CWC27: variants seen among roughly 807,000 people sequenced by gnomAD.
The protein encoded by CWC27 is CWC27 spliceosome associated cyclophilin.
In CWC27, 47 loss-of-function variants were observed where a neutral mutation model predicts 63.6. That is an observed-to-expected ratio of 0.74 (90% confidence interval 0.58 to 0.94). The LOEUF (loss-of-function observed/expected upper bound fraction) is 0.94. CWC27 is among the 40% of genes least tolerant of loss of function. The probability of loss-of-function intolerance (pLI) is 0.00; values close to 1 mark genes in which losing one functional copy is unlikely to be tolerated. For missense variants in CWC27, 495 were observed against 554.3 expected (o/e 0.89, Z 1.07); for synonymous variants, 175 against 179.8 (o/e 0.97, Z 0.22).
At chr5:64,866,894 A>G (rs946656695) in intron 10 of CWC27, among the ~76,000 whole-genome samples, 5 of 152,086 alleles carry the variant, frequency 3.3e-5, no homozygotes, top group Admixed American at 3.3e-4. Context: ...TGTTCTATAG[A>G]TTAGAGCCCA....
At chr5:64,942,435 CT>C (rs1748500791) in intron 11 of CWC27, among the ~76,000 whole-genome samples, 1 of 95,428 alleles carries the variant, frequency 1.0e-5, no homozygotes, top group African/African-American at 5.6e-5. Flanking sequence ...GACCCTATCT[CT>C]TTAAAAAAAA....
At chr5:64,990,601 A>G in intron 13 of CWC27, among the ~76,000 whole-genome samples, 1 of 152,140 alleles carries the variant, frequency 6.6e-6, no homozygotes. Context: ...CTTAATTCAG[A>G]AACTTTTCTC....
At chr5:64,976,056 A>G (rs1356810453) in intron 12 of CWC27, among the ~76,000 whole-genome samples, 3 of 152,192 alleles carry the variant, frequency 2.0e-5, no homozygotes, top group African/African-American at 4.8e-5. Context: ...CCTCACAGCG[A>G]GACTCTGTCT....
chr5:64,831,475 G>GAGATAGATAGAT (rs3075244), intron 10 of CWC27, among the ~76,000 whole-genome samples: 1,675 of 148,306 alleles, frequency 0.011, 14 homozygotes, highest in Middle Eastern at 0.021. Context: ...TTATTTATTT[G>GAGATAGATAGAT]AGATAGATAG....
At chr5:64,792,938 A>G (rs1308587031) in intron 7 of CWC27, among the ~76,000 whole-genome samples, 4 of 152,170 alleles carry the variant, frequency 2.6e-5, no homozygotes, top group African/African-American at 9.7e-5. Flanking sequence ...TTTAATTTTG[A>G]TTTATTATAC....
chr5:64,811,157 G>C (rs1216130359), intron 10 of CWC27, among the ~76,000 whole-genome samples: 1 of 151,978 alleles, frequency 6.6e-6, no homozygotes, highest in Non-Finnish European at 1.5e-5. Flanking sequence ...TGAAAACTGG[G>C]GTAGTTTGCA....
intron 11 of CWC27, among the ~76,000 whole-genome samples, chr5:64,934,334 T>C (rs1262224628): frequency 6.6e-6 from 1 of 152,200 alleles, no homozygotes; most frequent in Non-Finnish European, 1.5e-5. Flanking sequence ...CTCCCACTTA[T>C]GAGTGAGAAC....
At chr5:64,870,394 G>A (rs572721461) in intron 10 of CWC27, among the ~76,000 whole-genome samples, 97 of 151,306 alleles carry the variant, frequency 6.4e-4, no homozygotes, top group African/African-American at 2.3e-3. Flanking sequence ...TGTTCTTAAC[G>A]TAATATAGTC....
At chr5:64,775,279 T>C (rs12109485) in intron 2 of CWC27, among the ~76,000 whole-genome samples, 82,055 of 151,948 alleles carry the variant, frequency 0.54, 22,704 homozygotes, top group East Asian at 0.85. Flanking sequence ...AATTTACCAA[T>C]TTCTTCCCCA....
At chr5:65,003,411 ATT>A (rs1317972911) in intron 13 of CWC27, among the ~76,000 whole-genome samples, 1 of 150,370 alleles carries the variant, frequency 6.7e-6, no homozygotes, top group Non-Finnish European at 1.5e-5. Context: ...TTCTTCTCCT[ATT>A]TTTTGTTGCA....
rs200974257 is a variant in CWC27 at position 64,832,423 on chromosome 5, TA to T, written c.938+28040del. 3.8e-4 allele frequency among the ~76,000 whole-genome samples: 57 copies of T among 151,556 alleles called. No individual in the cohort carries two copies. In the South Asian group the frequency reaches 8.5e-3, roughly 23 times the overall value. On this transcript the variant is annotated intron_variant, in intron 10 of 13. Coordinates refer to ENST00000381070, the MANE Select transcript of CWC27 (RefSeq NM_005869.4). Reference sequence around the variant, plus strand: ...CTACTAATAGTTTGTCTTTTTTTTTTAAATGAGAAGTTCACTTTGTTTCCAG... The same window carrying T: ...CTACTAATAGTTTGTCTTTTTTTTTTAATGAGAAGTTCACTTTGTTTCCAG...
Position 64,800,289 on chromosome 5 carries a change from G to A in CWC27, c.711G>A (p.Lys237=). 6.2e-7 allele frequency: 1 copy of A among 1,612,708 alleles called. No individual in the cohort carries two copies. Among genetic ancestry groups the A allele is most frequent in the South Asian group, 1.1e-5 (1 of 90,966 alleles). ...GCAAAAGTAGTCATGACTTGCTTAA[G>A]GATGATCCACATCTCAGTTCTGTTC... ...GKSKSSHDLL[K]DDPHLSSVPV... is the part of the protein sequence containing the mutation. Residue 237 remains lysine (K), a synonymous_variant, in exon 8 of 14, where the codon AAG becomes AAA. Transcript: ENST00000381070.
rs1321805544 is a variant in CWC27 at position 64,804,338 on chromosome 5, T to C, written c.890T>C (p.Val297Ala). Residue 297 changes from valine to alanine, a missense_variant, in exon 10 of 14, where the codon GTT (valine) becomes GCT (alanine). Around this residue, in one of 3 missense-constraint regions of CWC27, gnomAD observed 463 missense variants for 498.1 expected, o/e 0.93. Coordinates refer to ENST00000381070, the MANE Select transcript of CWC27 (RefSeq NM_005869.4). ...TTAAAAAAGGACACAAGTGCGAATGTTAAATCAGCTGGAGAAGGAGAAGTG... is the reference window on the plus strand; with the variant it reads ...TTAAAAAAGGACACAAGTGCGAATGCTAAATCAGCTGGAGAAGGAGAAGTG... Reference protein sequence around the residue: ...KKLKKDTSANVKSAGEGEVEK... With the variant: ...KKLKKDTSANAKSAGEGEVEK... 2 of 1,613,044 alleles carry C rather than the reference T, an allele frequency of 1.2e-6. No individual in the cohort carries two copies. Among genetic ancestry groups the C allele is most frequent in the Non-Finnish European group, 8.5e-7 (1 of 1,179,558 alleles).
chr5:64,846,739 A>G (rs540302414), intron 10 of CWC27, among the ~76,000 whole-genome samples: 1 of 152,354 alleles, frequency 6.6e-6, no homozygotes, highest in African/African-American at 2.4e-5. Context: ...CATGCTTGTA[A>G]TCCCAGCACT....
chr5:64,990,487 G>A (rs567887550), intron 13 of CWC27, among the ~76,000 whole-genome samples: 1 of 49,628 alleles, frequency 2.0e-5, no homozygotes. Flanking sequence ...GGATGGTCTC[G>A]ATCTCCTGAC....
At chr5:64,917,653 G>A (rs189443248) in intron 11 of CWC27, among the ~76,000 whole-genome samples, 2 of 152,222 alleles carry the variant, frequency 1.3e-5, no homozygotes, top group East Asian at 3.9e-4. Context: ...GAACAAAAAG[G>A]CTGATCCTCC....
chr5:64,824,886 C>G (rs1393418845), intron 10 of CWC27, among the ~76,000 whole-genome samples: 1 of 151,930 alleles, frequency 6.6e-6, no homozygotes, highest in East Asian at 1.9e-4. Context: ...GCACGTACCA[C>G]CATGCCTAGC....
chr5:64,814,078 GA>G (rs1744960958), intron 10 of CWC27, among the ~76,000 whole-genome samples: 1 of 140,312 alleles, frequency 7.1e-6, no homozygotes, highest in Non-Finnish European at 1.5e-5. Context: ...TTTTTTTTGC[GA>G]TTTTTTTTTT....
intron 13 of CWC27, among the ~76,000 whole-genome samples, chr5:64,999,922 C>T (rs1056925470): frequency 6.6e-6 from 1 of 151,976 alleles, no homozygotes; most frequent in Non-Finnish European, 1.5e-5. Flanking sequence ...TACTGTTTTC[C>T]ATGGTGGCTA....
Sources: gnomAD v4.1 joint callset for allele counts (sites outside exome capture counted in the v4.1 genomes callset) on GRCh38, gnomAD v4.1.1 for gene constraint, gnomAD v4.1.1 regional missense constraint, MANE v1.5 for transcripts, NCBI Gene and HGNC (gene_info 2026-07-23, HGNC 2026-07-21) for gene names.